The following PTPRD variants were observed in gnomAD, a reference collection of about 807,000 sequenced individuals.
The protein encoded by PTPRD is receptor-type tyrosine-protein phosphatase delta.
Under a neutral mutation model 214.5 loss-of-function variants are expected in PTPRD, and 34 were observed. The ratio of observed to expected loss-of-function variants is 0.16; its 90% CI spans 0.12 to 0.21. The LOEUF (loss-of-function observed/expected upper bound fraction) is 0.21, where lower values mean the gene tolerates loss of function less well. Ranked by LOEUF, PTPRD falls within the 10% of genes least tolerant of loss-of-function variation. The probability of loss-of-function intolerance (pLI) is 1.00; values close to 1 mark genes in which losing one functional copy is unlikely to be tolerated. For missense variants in PTPRD, 2,545 were observed against 2,398.7 expected (o/e 1.06, Z -1.27); for synonymous variants, 1,128 against 845.7 (o/e 1.33, Z -5.79).
chr9:10,524,996 C>G (rs930273702), intron 2 of PTPRD, among the ~76,000 whole-genome samples: 6 of 151,220 alleles, frequency 4.0e-5, no homozygotes, highest in Non-Finnish European at 5.9e-5. Context: ...ACACTAAGAC[C>G]TATATCATAT....
At chr9:9,459,491 T>G (rs551520625) in intron 8 of PTPRD, among the ~76,000 whole-genome samples, 2 of 152,118 alleles carry the variant, frequency 1.3e-5, no homozygotes, top group Non-Finnish European at 2.9e-5. Context: ...ATCTGATAAA[T>G]GATTTCAATA....
At chr9:10,570,817 CT>C (rs1274775747) in intron 2 of PTPRD, among the ~76,000 whole-genome samples, 1 of 151,966 alleles carries the variant, frequency 6.6e-6, no homozygotes, top group Admixed American at 6.6e-5. Context: ...GCTCTATTGG[CT>C]TACTATCTCC....
chr9:10,517,408 G>A (rs1216929105), intron 2 of PTPRD, among the ~76,000 whole-genome samples: 3 of 151,932 alleles, frequency 2.0e-5, no homozygotes, highest in African/African-American at 7.2e-5. Context: ...ATTTTTGCAT[G>A]TTGATTTTAT....
Position 8,351,526 on chromosome 9 carries a change from C to T in PTPRD, c.4662-9548G>A, listed in dbSNP as rs182555443. On this transcript the variant is annotated intron_variant, in intron 39 of 45. Transcript: ENST00000381196. Reference sequence around the variant, plus strand: ...ATTACAGTTCAATAAAGAGTTGAGGCTCCAAAGACACAGAGAGAAAAGATG... The same window carrying T: ...ATTACAGTTCAATAAAGAGTTGAGGTTCCAAAGACACAGAGAGAAAAGATG... Among the ~76,000 whole-genome samples, 17 of 151,584 alleles carry T rather than the reference C, an allele frequency of 1.1e-4. No individual in the cohort carries two copies. In the East Asian group the frequency reaches 3.3e-3, roughly 29 times the overall value.
At chr9:9,426,884 T>C (rs2081170504) in intron 8 of PTPRD, among the ~76,000 whole-genome samples, 1 of 152,032 alleles carries the variant, frequency 6.6e-6, no homozygotes, top group Admixed American at 6.5e-5. Context: ...AGAAAGGGCA[T>C]CTACACCAAA....
intron 3 of PTPRD, among the ~76,000 whole-genome samples, chr9:10,188,682 G>A (rs2099348860): frequency 6.6e-6 from 1 of 151,918 alleles, no homozygotes. Flanking sequence ...GGGTGTGCAT[G>A]AGCATTCACA....
intron 11 of PTPRD, among the ~76,000 whole-genome samples, chr9:8,945,313 A>G (rs1326149703): frequency 6.7e-6 from 1 of 148,640 alleles, no homozygotes; most frequent in African/African-American, 2.4e-5. Context: ...AGAATAAAAT[A>G]TATATTTGGA....
At chr9:8,400,206 C>G (rs1341245973) in intron 36 of PTPRD, among the ~76,000 whole-genome samples, 1 of 152,150 alleles carries the variant, frequency 6.6e-6, no homozygotes, top group Non-Finnish European at 1.5e-5. Context: ...GAACAACAAC[C>G]TCTTTTTTAT....
intron 8 of PTPRD, among the ~76,000 whole-genome samples, chr9:9,407,569 AT>A (rs1236902701): frequency 6.6e-6 from 1 of 151,692 alleles, no homozygotes; most frequent in Non-Finnish European, 1.5e-5. Flanking sequence ...CACAAAATCT[AT>A]TTTTTTGAAA....
chr9:9,233,785 A>G (rs563604392), intron 9 of PTPRD, among the ~76,000 whole-genome samples: 1 of 152,292 alleles, frequency 6.6e-6, no homozygotes, highest in East Asian at 1.9e-4. Context: ...CCTTAACGCC[A>G]TGTCTCACAT....
chr9:8,598,870 T>G (rs1367049820), intron 14 of PTPRD, among the ~76,000 whole-genome samples: 1 of 152,174 alleles, frequency 6.6e-6, no homozygotes, highest in Non-Finnish European at 1.5e-5. Flanking sequence ...TTTCAAGACG[T>G]AGAAGCAAAA....
intron 5 of PTPRD, among the ~76,000 whole-genome samples, chr9:9,890,819 T>C (rs1019952629): frequency 2.0e-5 from 3 of 152,108 alleles, no homozygotes; most frequent in Admixed American, 2.0e-4. Flanking sequence ...ATGTCTCCAA[T>C]GATGCCTCTT....
intron 3 of PTPRD, among the ~76,000 whole-genome samples, chr9:10,066,489 T>C (rs1394368708): frequency 3.3e-5 from 5 of 151,894 alleles, no homozygotes; most frequent in Admixed American, 3.3e-4. Context: ...ATATGACTCA[T>C]TTCAACATGT....
At chr9:8,770,329 C>G (rs2095107298) in intron 11 of PTPRD, among the ~76,000 whole-genome samples, 1 of 148,926 alleles carries the variant, frequency 6.7e-6, no homozygotes, top group Non-Finnish European at 1.5e-5. Context: ...TCTCAATTTG[C>G]TATGATAGTG....
chr9:8,955,873 A>G (rs932049329), intron 11 of PTPRD, among the ~76,000 whole-genome samples: 1 of 151,956 alleles, frequency 6.6e-6, no homozygotes, highest in Non-Finnish European at 1.5e-5. Context: ...TTCGACCTAC[A>G]TATAGCATTC....
At chr9:10,179,047 C>T (rs919199788) in intron 3 of PTPRD, among the ~76,000 whole-genome samples, 2 of 151,750 alleles carry the variant, frequency 1.3e-5, no homozygotes, top group African/African-American at 4.8e-5. Context: ...AAAATAATAT[C>T]TAAGTATGCT....
intron 5 of PTPRD, among the ~76,000 whole-genome samples, chr9:9,907,326 C>T (rs940960399): frequency 4.6e-5 from 7 of 151,736 alleles, no homozygotes; most frequent in Admixed American, 6.6e-5. Context: ...CTGCTAGGGC[C>T]GTCATAATAA....
chr9:10,602,592 G>C (rs115042874), intron 2 of PTPRD, among the ~76,000 whole-genome samples: 58 of 151,742 alleles, frequency 3.8e-4, no homozygotes, highest in African/African-American at 1.4e-3. Flanking sequence ...AGTAATTTAC[G>C]GTTATAATCA....
At chr9:9,047,227 T>C (rs145086343) in intron 10 of PTPRD, among the ~76,000 whole-genome samples, 11,741 of 151,944 alleles carry the variant, frequency 0.077, 595 homozygotes, top group Middle Eastern at 0.14. Context: ...ATGAAAACTA[T>C]AAAACACTGA....
Sources: gnomAD v4.1 joint callset for allele counts (sites outside exome capture counted in the v4.1 genomes callset) on GRCh38, gnomAD v4.1.1 for gene constraint, MANE v1.5 for transcripts, NCBI Gene and HGNC (gene_info 2026-07-23, HGNC 2026-07-21) for gene names.